The following GRIK4 variants were observed in gnomAD, a reference collection of about 807,000 sequenced individuals.
GRIK4 encodes the protein glutamate ionotropic receptor kainate type subunit 4.
GRIK4 carries 40 observed loss-of-function variants against 104.9 expected under a neutral mutation model. The ratio of observed to expected loss-of-function variants is 0.38; its 90% CI spans 0.30 to 0.50. The LOEUF (loss-of-function observed/expected upper bound fraction) is 0.50. GRIK4 is among the 20% of genes least tolerant of loss of function. The probability of loss-of-function intolerance (pLI) is 0.93; values close to 1 mark genes in which losing one functional copy is unlikely to be tolerated. For synonymous variants in GRIK4, 485 were observed against 524.9 expected (o/e 0.92, Z 1.04); for missense variants, 1,047 against 1,308.1 (o/e 0.80, Z 3.08).
Position 120,967,062 on chromosome 11 carries a change from C to T in GRIK4, c.2267-133C>T, listed in dbSNP as rs982016833. ...ACTGGCCCCATGGGCTCGCCCCACC[C>T]GCTGCATCTGTCTGTCCCCTCTCGA... On this transcript the variant is annotated intron_variant, in intron 18 of 20. Transcript: ENST00000527524. This position sits in a 1 kb window ranked among gnomAD's most constrained non-coding sequence, Gnocchi z 4.2. 2.1e-4 allele frequency: 206 copies of T among 981,854 alleles called. No individual in the cohort carries two copies. Among genetic ancestry groups the T allele is most frequent in the Non-Finnish European group, 2.8e-4 (190 of 670,084 alleles). The allele number at this position is 981,854 out of a possible 1,614,324, so 60.8% of individuals were successfully genotyped here.
intron 16 of GRIK4, among the ~76,000 whole-genome samples, chr11:120,957,625 G>GTGTGTATA (rs375508071): frequency 1.4e-5 from 2 of 144,634 alleles, no homozygotes; most frequent in African/African-American, 5.2e-5. Flanking sequence ...GTGTGTGTGT[G>GTGTGTATA]TAGCCTAGAG....
intron 1 of GRIK4, among the ~76,000 whole-genome samples, chr11:120,638,968 G>A (rs1015522565): frequency 2.6e-5 from 4 of 151,964 alleles, no homozygotes; most frequent in Admixed American, 6.5e-5. Flanking sequence ...AGGCCAAGGC[G>A]GGCTGATCAC....
At chr11:120,565,003 T>C (rs1408093141) in intron 1 of GRIK4, among the ~76,000 whole-genome samples, 2 of 152,106 alleles carry the variant, frequency 1.3e-5, no homozygotes, top group Non-Finnish European at 2.9e-5. Flanking sequence ...TGGGGTGTCC[T>C]GTGTAGCCGC....
rs779393723 is a variant in GRIK4 at position 120,832,004 on chromosome 11, T to G, written c.664T>G (p.Ser222Ala). 14 of 1,612,900 alleles carry G rather than the reference T, an allele frequency of 8.7e-6. No homozygotes were observed. The East Asian group carries it at 3.1e-4, about 36-fold the overall frequency. The change falls in exon 7 of 21, where the codon TCC becomes GCC. Residue 222 changes from serine to alanine, a missense_variant. Transcript: ENST00000527524. ...CACCATCATCATCCACGCCAACGCC[T>G]CCATGTCCCACACCATCCTCCTGAA... ...TATIIIHANA[S>A]MSHTILLKAA...
intron 5 of GRIK4, among the ~76,000 whole-genome samples, chr11:120,818,418 T>C (rs1266111623): frequency 6.6e-6 from 1 of 152,244 alleles, no homozygotes; most frequent in Non-Finnish European, 1.5e-5. Context: ...AGATCCGTTA[T>C]GACACAGATC....
intron 3 of GRIK4, among the ~76,000 whole-genome samples, chr11:120,760,610 C>T (rs910883196): frequency 1.2e-4 from 18 of 151,980 alleles, no homozygotes; most frequent in African/African-American, 1.9e-4. Context: ...TCCCAACCCC[C>T]GACAGGCCCT....
intron 1 of GRIK4, among the ~76,000 whole-genome samples, chr11:120,532,046 G>A (rs982907685): frequency 7.2e-5 from 11 of 152,156 alleles, no homozygotes; most frequent in African/African-American, 2.7e-4. Context: ...CAGGTGGAAG[G>A]TCTCCATTCA....
rs60692595 is a variant in GRIK4, at chr11:120,850,796, CATTATTATTATTATTATT to C, written c.745-11140_745-11123del. Among the ~76,000 whole-genome samples the C allele has an allele frequency of 1.3e-3, 195 of 144,816 alleles. 5 individuals are homozygous for C. The East Asian group carries it at 0.032, about 24-fold the overall frequency. On this transcript the variant is annotated intron_variant, in intron 8 of 20. Transcript: ENST00000527524. ...AAATAAAAGGCATTATGGCAAATCA[CATTATTATTATTATTATT>C]ATTATTATTATTATTATTATTACAT... is the stretch of plus-strand genomic sequence containing the variant.
At chr11:120,526,969 G>A (rs1947864135) in intron 1 of GRIK4, among the ~76,000 whole-genome samples, 1 of 152,264 alleles carries the variant, frequency 6.6e-6, no homozygotes, top group Non-Finnish European at 1.5e-5. Context: ...AATAGAAATA[G>A]TGGTTGAACA....
intron 13 of GRIK4, among the ~76,000 whole-genome samples, chr11:120,907,014 C>A (rs1167467779): frequency 6.6e-6 from 1 of 152,196 alleles, no homozygotes; most frequent in Non-Finnish European, 1.5e-5. Flanking sequence ...AAGGCTTCAG[C>A]AGAAAGCCCT....
intron 1 of GRIK4, among the ~76,000 whole-genome samples, chr11:120,598,579 A>G (rs1351139874): frequency 6.6e-6 from 1 of 152,186 alleles, no homozygotes; most frequent in Non-Finnish European, 1.5e-5. Flanking sequence ...ACTATTATTG[A>G]TGGCTCTGTG....
chr11:120,692,512 G>A (rs1188070229), intron 3 of GRIK4, among the ~76,000 whole-genome samples: 2 of 152,146 alleles, frequency 1.3e-5, no homozygotes, highest in African/African-American at 2.4e-5. Context: ...CGGGGGTGAG[G>A]CACCAAACAT....
chr11:120,779,003 C>T (rs1032500735), intron 3 of GRIK4, among the ~76,000 whole-genome samples: 4 of 152,208 alleles, frequency 2.6e-5, no homozygotes, highest in Non-Finnish European at 2.9e-5. Context: ...CTGAGAGCAC[C>T]TTGACTGCTC....
chr11:120,924,764 A>G (rs1055189485), intron 13 of GRIK4, among the ~76,000 whole-genome samples: 2 of 152,222 alleles, frequency 1.3e-5, no homozygotes, highest in East Asian at 1.9e-4. Flanking sequence ...GGGTATGACT[A>G]TTGATGGGCA....
rs1458051556 is a variant in GRIK4, at chr11:120,802,848, G to T, written c.238G>T (p.Ala80Ser). The change falls in exon 4 of 21, where the codon GCA becomes TCA. Residue 80 changes from alanine to serine, a missense_variant. Transcript: ENST00000527524. ...TCTCAGAGACAGCGAGTACGAGACT[G>T]CAGAAACCAGTACGTAGACTGGGCA... ...ELLRDSEYET[A>S]ETMCQILPKG... 6.2e-7 allele frequency: 1 copy of T among 1,614,088 alleles called. No homozygotes were observed. The highest frequency in any genetic ancestry group is 8.5e-7 in the Non-Finnish European group (1 of 1,179,930).
At chr11:120,980,623 T>C (rs1944635711) in intron 19 of GRIK4, among the ~76,000 whole-genome samples, 1 of 152,216 alleles carries the variant, frequency 6.6e-6, no homozygotes, top group African/African-American at 2.4e-5. Flanking sequence ...TTTTTGCCCA[T>C]TTAAGCACCT....
chr11:120,540,574 A>G (rs1269334093), intron 1 of GRIK4, among the ~76,000 whole-genome samples: 2 of 152,252 alleles, frequency 1.3e-5, no homozygotes, highest in African/African-American at 4.8e-5. Flanking sequence ...AGATCGTGCC[A>G]CTGCGCCCCA....
intron 1 of GRIK4, among the ~76,000 whole-genome samples, chr11:120,641,691 G>A (rs1178728570): frequency 6.6e-6 from 1 of 152,172 alleles, no homozygotes; most frequent in African/African-American, 2.4e-5. Flanking sequence ...CACTTTTGTT[G>A]CTGTCTTGGT....
At chr11:120,827,505 A>G (rs1002567519) in intron 6 of GRIK4, among the ~76,000 whole-genome samples, 3 of 152,192 alleles carry the variant, frequency 2.0e-5, no homozygotes, top group Non-Finnish European at 4.4e-5. Flanking sequence ...GTGGAAGTGG[A>G]TGGGGTGTGG....
Sources: allele counts gnomAD v4.1 joint callset (sites outside exome capture counted in the v4.1 genomes callset), GRCh38; gene constraint gnomAD v4.1.1; non-coding constraint Gnocchi (gnomAD v3.1); transcripts MANE v1.5; gene names NCBI Gene and HGNC (gene_info 2026-07-23, HGNC 2026-07-21).